RALYL: variants seen among roughly 807,000 people sequenced by gnomAD.
RALYL encodes RALY RNA binding protein like.
Under a neutral mutation model 35.1 loss-of-function variants are expected in RALYL, and 29 were observed. That is an observed-to-expected ratio of 0.83 (90% CI 0.61 to 1.13). RALYL has a LOEUF of 1.13. RALYL is among the 50% of genes most tolerant of loss of function. RALYL has a pLI of 0.00. For missense variants in RALYL, 359 were observed against 360.4 expected (o/e 1.00, Z 0.03); for synonymous variants, 120 against 127.6 (o/e 0.94, Z 0.40).
chr8:84,263,945 C>T (rs758500387), intron 1 of RALYL, among the ~76,000 whole-genome samples: 3 of 152,150 alleles, frequency 2.0e-5, no homozygotes, highest in Non-Finnish European at 4.4e-5. Flanking sequence ...GACATGATCT[C>T]ATTCTTTTTT....
intron 2 of RALYL, among the ~76,000 whole-genome samples, chr8:84,558,512 C>T (rs2061278213): frequency 6.6e-6 from 1 of 152,000 alleles, no homozygotes; most frequent in Non-Finnish European, 1.5e-5. Flanking sequence ...CATTTAAGAA[C>T]AATTTTTAAA....
Position 84,521,324 on chromosome 8 carries a change from G to A in RALYL, c.-23-7975G>A, listed in dbSNP as rs372927036. Among the ~76,000 whole-genome samples, 166 of 152,308 alleles carry A rather than the reference G, an allele frequency of 1.1e-3. 2 individuals carry two copies. The highest frequency in any genetic ancestry group is 3.8e-3 in the African/African-American group (159 of 41,580). On this transcript the variant is annotated intron_variant, in intron 1 of 8. Coordinates refer to ENST00000521268, the MANE Select transcript of RALYL (RefSeq NM_173848.7). ...TTGATCTGGGACTTCCCAACCTCAG[G>A]AACTGTGAGAAATAAATTTCTGTTA...
At chr8:84,841,712 T>C (rs1833415859) in intron 4 of RALYL, among the ~76,000 whole-genome samples, 1 of 152,214 alleles carries the variant, frequency 6.6e-6, no homozygotes, top group Non-Finnish European at 1.5e-5. Flanking sequence ...CACCACATAG[T>C]TGGAAGTAAA....
chr8:84,587,396 A>G (rs1812259201), intron 2 of RALYL, among the ~76,000 whole-genome samples: 2 of 152,208 alleles, frequency 1.3e-5, no homozygotes, highest in Non-Finnish European at 2.9e-5. Context: ...TGTTATTTCA[A>G]AATATGTTTT....
At chr8:84,194,544 G>T (rs1014840556) in intron 1 of RALYL, among the ~76,000 whole-genome samples, 4 of 152,120 alleles carry the variant, frequency 2.6e-5, no homozygotes, top group African/African-American at 9.7e-5. Flanking sequence ...CCAAGGAAAT[G>T]AATATAGGAT....
intron 5 of RALYL, among the ~76,000 whole-genome samples, chr8:84,858,763 C>T (rs1837532960): frequency 6.6e-6 from 1 of 152,112 alleles, no homozygotes; most frequent in South Asian, 2.1e-4. Context: ...TTTGAAGAAC[C>T]CCTATATCCC....
chr8:84,315,818 GAAA>G (rs59056772), intron 1 of RALYL, among the ~76,000 whole-genome samples: 255 of 134,800 alleles, frequency 1.9e-3, no homozygotes, highest in African/African-American at 6.5e-3. Flanking sequence ...CCCACTGCCT[GAAA>G]AAAAAAAAAA....
chr8:84,342,264 C>G (rs1308846906), intron 1 of RALYL, among the ~76,000 whole-genome samples: 7 of 69,798 alleles, frequency 1.0e-4, no homozygotes, highest in African/African-American at 3.4e-4. Flanking sequence ...AGTGAGGGTA[C>G]AGAGCATCGT....
At chr8:84,690,075 C>T (rs765871706) in intron 2 of RALYL, among the ~76,000 whole-genome samples, 2 of 152,084 alleles carry the variant, frequency 1.3e-5, no homozygotes, top group Non-Finnish European at 2.9e-5. Context: ...TATCATCACT[C>T]CTCTGTTCAT....
intron 8 of RALYL, among the ~76,000 whole-genome samples, chr8:84,918,135 G>T (rs1848763656): frequency 6.6e-6 from 1 of 152,018 alleles, no homozygotes; most frequent in South Asian, 2.1e-4. Flanking sequence ...TACAGATGAT[G>T]TAAATTTCTC....
intron 1 of RALYL, among the ~76,000 whole-genome samples, chr8:84,228,207 A>G (rs1824446039): frequency 6.6e-6 from 1 of 151,652 alleles, no homozygotes; most frequent in East Asian, 1.9e-4. Flanking sequence ...TTCCAGTCAG[A>G]GAAAATAGCA....
At chr8:84,358,441 A>G (rs1016330427) in intron 1 of RALYL, among the ~76,000 whole-genome samples, 1 of 151,998 alleles carries the variant, frequency 6.6e-6, no homozygotes. Flanking sequence ...AAAATGGCCT[A>G]CTAGGAATAC....
intron 2 of RALYL, among the ~76,000 whole-genome samples, chr8:84,598,310 A>G (rs1480700066): frequency 6.6e-6 from 1 of 152,084 alleles, no homozygotes; most frequent in Admixed American, 6.6e-5. Flanking sequence ...GATGTGCACA[A>G]TCATGCCCAG....
chr8:84,743,315 A>G lies in RALYL; in HGVS notation c.257-31264A>G, dbSNP rs139718271. On this transcript the variant is annotated intron_variant, in intron 2 of 8. Transcript: ENST00000521268. ...TGCTTCAGAGGTCACTTTGCATTTG[A>G]GTTCTCCTTAGGCTTTCATTTGAAA... Among the ~76,000 whole-genome samples the G allele has an allele frequency of 3.3e-5, 5 of 151,994 alleles. No homozygotes were observed. The East Asian group carries it at 9.7e-4, about 29-fold the overall frequency.
chr8:84,843,198 G>T (rs1833822244), intron 4 of RALYL, among the ~76,000 whole-genome samples: 2 of 152,194 alleles, frequency 1.3e-5, no homozygotes, highest in South Asian at 4.1e-4. Context: ...CAGATGACAT[G>T]ATTGTATATC....
intron 1 of RALYL, among the ~76,000 whole-genome samples, chr8:84,315,931 A>G (rs1424607431): frequency 6.6e-6 from 1 of 152,140 alleles, no homozygotes; most frequent in African/African-American, 2.4e-5. Context: ...AATAACAACC[A>G]AATAAAATCT....
chr8:84,411,104 A>C (rs1301234557), intron 1 of RALYL, among the ~76,000 whole-genome samples: 12 of 151,918 alleles, frequency 7.9e-5, no homozygotes. Context: ...TAATAATCAG[A>C]ACAAATTTTC....
intron 2 of RALYL, among the ~76,000 whole-genome samples, chr8:84,720,406 G>T (rs1589187633): frequency 6.6e-6 from 1 of 152,112 alleles, no homozygotes; most frequent in Non-Finnish European, 1.5e-5. Flanking sequence ...GTGGGGAAAA[G>T]ACAACCTCTT....
intron 2 of RALYL, among the ~76,000 whole-genome samples, chr8:84,550,121 C>A (rs368561847): frequency 6.6e-6 from 1 of 152,048 alleles, no homozygotes; most frequent in East Asian, 1.9e-4. Flanking sequence ...TTCCATGTTT[C>A]TTTCCAAAGA....
Sources: allele counts gnomAD v4.1 joint callset (sites outside exome capture counted in the v4.1 genomes callset), GRCh38; gene constraint gnomAD v4.1.1; transcripts MANE v1.5; gene names NCBI Gene and HGNC (gene_info 2026-07-23, HGNC 2026-07-21).